Variants in NRXN1 observed in about 807,000 individuals in gnomAD.
The protein encoded by NRXN1 is neurexin 1, also known as neurexin-1.
NRXN1 carries 39 observed loss-of-function variants against 150.9 expected under a neutral mutation model. The ratio of observed to expected loss-of-function variants is 0.26; its 90% confidence interval spans 0.20 to 0.34. The LOEUF (loss-of-function observed/expected upper bound fraction) is 0.34. NRXN1 is among the 10% of genes least tolerant of loss of function. NRXN1 has a pLI of 1.00. For missense variants in NRXN1, 1,815 were observed against 1,949.9 expected, an observed-to-expected ratio of 0.93 and a Z score of 1.30; for synonymous variants, 924 against 757.0, an observed-to-expected ratio of 1.22 and a Z score of -3.62.
intron 5 of NRXN1, among the ~76,000 whole-genome samples, chr2:50,706,994 A>T (rs1035613647): frequency 6.6e-6 from 1 of 152,108 alleles, no homozygotes; most frequent in African/African-American, 2.4e-5. Flanking sequence ...GAACTTACAC[A>T]TGGTTTAGAT....
chr2:50,166,279 ATGTG>A (rs70946894), intron 18 of NRXN1, among the ~76,000 whole-genome samples: 28,413 of 131,718 alleles, frequency 0.22, 2,459 homozygotes, highest in African/African-American at 0.28. Flanking sequence ...TACTCAACGT[ATGTG>A]TGTGTGTGTG....
intron 15 of NRXN1, among the ~76,000 whole-genome samples, chr2:50,478,333 T>C (rs1246451924): frequency 7.9e-5 from 12 of 152,124 alleles, no homozygotes. Context: ...TAAACAAATA[T>C]AAACTTCTAT....
intron 8 of NRXN1, among the ~76,000 whole-genome samples, chr2:50,584,363 A>C (rs991351369): frequency 2.0e-5 from 3 of 152,138 alleles, no homozygotes; most frequent in Non-Finnish European, 2.9e-5. Context: ...TCTTGATCAA[A>C]TACTTTTCTT....
At chr2:50,986,381 C>T (rs1406496212) in intron 2 of NRXN1, among the ~76,000 whole-genome samples, 1 of 151,602 alleles carries the variant, frequency 6.6e-6, no homozygotes, top group Non-Finnish European at 1.5e-5. Flanking sequence ...CAAACATATA[C>T]AGAATATCCA....
intron 17 of NRXN1, among the ~76,000 whole-genome samples, chr2:50,459,398 C>G (rs1313071013): frequency 6.6e-6 from 1 of 151,982 alleles, no homozygotes; most frequent in Non-Finnish European, 1.5e-5. Flanking sequence ...TTGTACAGAT[C>G]ACTTCATCAC....
At position 50,506,001 on chromosome 2, in the gene NRXN1, AT is replaced by A. The variant is rs550983998; in HGVS notation, c.2497+493del. Among the ~76,000 whole-genome samples, 105 of 152,266 alleles carry A rather than the reference AT, an allele frequency of 6.9e-4. 1 individual carries two copies. The highest frequency in any genetic ancestry group is 2.4e-3 in the African/African-American group (99 of 41,562). On this transcript the variant is annotated intron_variant, in intron 13 of 22. Coordinates refer to ENST00000401669, the MANE Select transcript of NRXN1 (RefSeq NM_001330078.2). ...TGAACTTGACATCCTTAATATTAGAATTTAACCAACTGAGCTGAGTGGCCAA... is the reference window on the plus strand; with the variant it reads ...TGAACTTGACATCCTTAATATTAGAATTAACCAACTGAGCTGAGTGGCCAA...
chr2:50,380,658 C>T (rs1000345450), intron 17 of NRXN1, among the ~76,000 whole-genome samples: 10 of 151,944 alleles, frequency 6.6e-5, no homozygotes, highest in Admixed American at 1.3e-4. Context: ...GAAGACAGCA[C>T]GTGCCCAATA....
At chr2:50,267,526 T>C (rs150811729) in intron 17 of NRXN1, among the ~76,000 whole-genome samples, 160 of 152,278 alleles carry the variant, frequency 1.1e-3, no homozygotes, top group Middle Eastern at 6.8e-3. Context: ...ACTTTTTAAC[T>C]TTTTCAGAAG....
chr2:51,000,988 G>A (rs1444734005), intron 2 of NRXN1, among the ~76,000 whole-genome samples: 1 of 151,894 alleles, frequency 6.6e-6, no homozygotes, highest in Non-Finnish European at 1.5e-5. Context: ...GGCATAAAGC[G>A]CTGGAGTTGA....
At chr2:50,897,873 G>C (rs1377991810) in intron 5 of NRXN1, among the ~76,000 whole-genome samples, 2 of 152,164 alleles carry the variant, frequency 1.3e-5, no homozygotes. Context: ...ATCAAAGTGT[G>C]CACTTTAAAT....
At chr2:50,945,087 T>A (rs1012081094) in intron 2 of NRXN1, among the ~76,000 whole-genome samples, 1 of 152,184 alleles carries the variant, frequency 6.6e-6, no homozygotes, top group Non-Finnish European at 1.5e-5. Flanking sequence ...AAGGGCCAGA[T>A]AGTAAATATT....
chr2:50,978,298 ATATATAT>A (rs1269387764), intron 2 of NRXN1, among the ~76,000 whole-genome samples: 86 of 129,690 alleles, frequency 6.6e-4, no homozygotes, highest in African/African-American at 2.2e-3. Flanking sequence ...ATATATATAT[ATATATAT>A]AAAATATATA....
At chr2:50,595,606 C>A (rs2103867690) in intron 8 of NRXN1, among the ~76,000 whole-genome samples, 1 of 152,082 alleles carries the variant, frequency 6.6e-6, no homozygotes, top group African/African-American at 2.4e-5. Flanking sequence ...GACAGATAGA[C>A]CTGAGATTAA....
At chr2:50,992,357 T>C (rs1262758440) in intron 2 of NRXN1, among the ~76,000 whole-genome samples, 1 of 152,002 alleles carries the variant, frequency 6.6e-6, no homozygotes, top group Non-Finnish European at 1.5e-5. Context: ...CAGAAAATAT[T>C]TGAATGTAAA....
intron 2 of NRXN1, among the ~76,000 whole-genome samples, chr2:50,956,854 G>T (rs1250264741): frequency 6.6e-6 from 1 of 152,176 alleles, no homozygotes; most frequent in South Asian, 2.1e-4. Context: ...AACTCAATGA[G>T]GAGGTAATAT....
intron 2 of NRXN1, among the ~76,000 whole-genome samples, chr2:50,957,956 A>C (rs1692534012): frequency 6.6e-6 from 1 of 152,156 alleles, no homozygotes; most frequent in Non-Finnish European, 1.5e-5. Context: ...TTCAAGAGTT[A>C]GCTTTTTTTG....
At chr2:50,155,363 C>A (rs1368581151) in intron 18 of NRXN1, among the ~76,000 whole-genome samples, 2 of 150,896 alleles carry the variant, frequency 1.3e-5, no homozygotes, top group African/African-American at 4.9e-5. Flanking sequence ...TTGCTTGGGG[C>A]CCTCAGGCAT....
rs541986308 is a variant in NRXN1, at chr2:50,428,110, A to G, written c.3364+37332T>C. ...GGATTGTCAATCAAGAGAAGCGAGG[A>G]TAAGATGAAAAATAAAGGCAAGGCG... On this transcript the variant is annotated intron_variant, in intron 17 of 22. Coordinates refer to ENST00000401669, the MANE Select transcript of NRXN1 (RefSeq NM_001330078.2). Among the ~76,000 whole-genome samples the G allele has an allele frequency of 8.5e-5, 13 of 152,244 alleles. No individual in the cohort carries two copies. In the East Asian group the frequency reaches 2.1e-3, roughly 25 times the overall value.
At chr2:50,106,068 T>C (rs969667190) in intron 18 of NRXN1, among the ~76,000 whole-genome samples, 1 of 151,868 alleles carries the variant, frequency 6.6e-6, no homozygotes, top group Non-Finnish European at 1.5e-5. Context: ...TTAACCCCTC[T>C]CTTAAAAACA....
Sources: gnomAD v4.1 joint callset for allele counts (sites outside exome capture counted in the v4.1 genomes callset) on GRCh38, gnomAD v4.1.1 for gene constraint, MANE v1.5 for transcripts, NCBI Gene and HGNC (gene_info 2026-07-23, HGNC 2026-07-21) for gene names.